Variants in SLC2A5 observed in about 807,000 individuals in gnomAD.
The protein encoded by SLC2A5 is solute carrier family 2 member 5, also known as solute carrier family 2, facilitated glucose transporter member 5.
Under a neutral mutation model 50.3 loss-of-function variants are expected in SLC2A5, and 56 were observed. The ratio of observed to expected loss-of-function variants is 1.11; its 90% CI spans 0.90 to 1.39. SLC2A5 has a LOEUF of 1.39. Among genes scored for constraint, SLC2A5 ranks in the 40% most tolerant of loss-of-function variants. The pLI, the probability that SLC2A5 is intolerant of heterozygous loss-of-function variation, is 0.00. For missense variants in SLC2A5, 566 were observed against 650.1 expected (o/e 0.87, Z 1.41); for synonymous variants, 269 against 281.9 (o/e 0.95, Z 0.46).
intron 3 of SLC2A5, among the ~76,000 whole-genome samples, chr1:9,053,311 TATTG>T (rs2124382604): frequency 3.5e-5 from 2 of 56,902 alleles, no homozygotes; most frequent in East Asian, 6.0e-4. Flanking sequence ...TATATTTATA[TATTG>T]TATTTATATA....
chr1:9,079,182 G>A (rs1642326234), intron 2 of SLC2A5, among the ~76,000 whole-genome samples: 1 of 152,146 alleles, frequency 6.6e-6, no homozygotes, highest in African/African-American at 2.4e-5. Context: ...TCTGTATTCT[G>A]TCCTCACTTG....
chr1:9,069,401 C>T, intron 1 of SLC2A5, 103 bp downstream of exon 1: 1 of 1,189,832 alleles, frequency 8.4e-7, no homozygotes, highest in South Asian at 1.3e-5. Context: ...ACACAGAGTT[C>T]CCTCTGCAAC....
intron 1 of SLC2A5, among the ~76,000 whole-genome samples, chr1:9,060,100 A>G (rs1432572772): frequency 7.2e-6 from 1 of 139,486 alleles, no homozygotes; most frequent in Non-Finnish European, 1.6e-5. Context: ...CACACAACAC[A>G]CACAATACAC....
At position 9,038,037 on chromosome 1, in the gene SLC2A5, G is replaced by C. The variant is rs758141938; in HGVS notation, c.1175-13C>G. 6.2e-7 allele frequency: 1 copy of C among 1,613,258 alleles called. No homozygotes were observed. The highest frequency in any genetic ancestry group is 8.5e-7 in the Non-Finnish European group (1 of 1,179,838). On this transcript the variant is annotated splice_polypyrimidine_tract_variant and intron_variant, in intron 10 of 11. Transcript: ENST00000377424. ...GCGGGTATGGGACCTGTAGGGGGAG[G>C]AGAGCAGCCTCCCTGAAGGCAGAGC...
intron 1 of SLC2A5, among the ~76,000 whole-genome samples, chr1:9,064,785 C>G (rs1642037384): frequency 6.6e-6 from 1 of 152,190 alleles, no homozygotes; most frequent in African/African-American, 2.4e-5. Context: ...GGCGCGGTGG[C>G]TCACACCTGT....
intron 1 of SLC2A5, 104 bp from the exon 2 acceptor site, chr1:9,058,354 A>G (rs1267569030): frequency 3.7e-6 from 3 of 803,012 alleles, no homozygotes; most frequent in African/African-American, 1.7e-5. Context: ...GAAGATCCAT[A>G]GTCTTGAGAC....
chr1:9,085,535 G>C (rs923282812), intron 1 of SLC2A5, among the ~76,000 whole-genome samples: 5 of 152,216 alleles, frequency 3.3e-5, no homozygotes, highest in Non-Finnish European at 7.3e-5. Flanking sequence ...AGGCTTCAGA[G>C]AGAATAAGTT....
chr1:9,038,155 G>T, intron 10 of SLC2A5, 131 bp from the exon 11 acceptor site: 2 of 1,094,696 alleles, frequency 1.8e-6, no homozygotes, highest in Non-Finnish European at 1.3e-6. Context: ...ATGTGGGGCA[G>T]CACGTAGGGG....
At chr1:9,060,838 A>G (rs1259417216) in intron 1 of SLC2A5, among the ~76,000 whole-genome samples, 1 of 152,062 alleles carries the variant, frequency 6.6e-6, no homozygotes, top group Non-Finnish European at 1.5e-5. Flanking sequence ...TTGGGCGCCC[A>G]ATGTGAACAA....
upstream of SLC2A5, among the ~76,000 whole-genome samples, chr1:9,091,277 C>T (rs560196577): frequency 5.8e-4 from 89 of 152,310 alleles, no homozygotes; most frequent in Non-Finnish European, 1.1e-3. Context: ...CTTCCAAATC[C>T]GCTAAGACCT....
upstream of SLC2A5, among the ~76,000 whole-genome samples, chr1:9,070,346 G>A (rs1037868607): frequency 2.0e-5 from 3 of 152,114 alleles, no homozygotes; most frequent in Non-Finnish European, 4.4e-5. Flanking sequence ...CTCCCAAAGT[G>A]CTGGGATTAC....
At chr1:9,060,592 C>G (rs1641910682) in intron 1 of SLC2A5, among the ~76,000 whole-genome samples, 1 of 115,060 alleles carries the variant, frequency 8.7e-6, no homozygotes, top group Admixed American at 1.2e-4. Context: ...CCCCCACACA[C>G]ATAGGCAGAA....
At chr1:9,093,968 G>A in the SLC2A5 span, among the ~76,000 whole-genome samples, 2 of 152,076 alleles carry the variant, frequency 1.3e-5, no homozygotes, top group Non-Finnish European at 1.5e-5. Flanking sequence ...ATTTCAAACC[G>A]ATTACAACTC....
At chr1:9,077,778 A>AGGGAGGGAGAGAGGGAGGGGGGGGGGGG (rs1642308655) in intron 2 of SLC2A5, among the ~76,000 whole-genome samples, 2 of 139,516 alleles carry the variant, frequency 1.4e-5, no homozygotes, top group African/African-American at 5.4e-5. Context: ...GGAGGGAGGG[A>AGGGAGGGAGAGAGGGAGGGGGGGGGGGG]AAGAAGGGGA....
At chr1:9,076,145 G>A (rs527271086) in intron 2 of SLC2A5, among the ~76,000 whole-genome samples, 173 of 151,834 alleles carry the variant, frequency 1.1e-3, no homozygotes, top group African/African-American at 4.1e-3. Context: ...TAGTAGAGGC[G>A]GGGTTTCGCC....
In SLC2A5 at chr1:9,047,627, A is replaced by G. The variant is rs778328193; in HGVS notation, c.401T>C (p.Leu134Ser). The G allele has an allele frequency of 8.1e-5, 130 of 1,613,794 alleles. No homozygotes were observed. The Admixed American group carries it at 1.1e-3, about 13-fold the overall frequency. ...TTGTTTACCTGCACATATTCCCACC[A>G]AAAGTCTGGAAATAATGATAAGCTC... ...SFELIIISRL[L>S]VGICAGVSSN... Residue 134 changes from leucine (L) to serine (S), a missense_variant, in exon 4 of 12, where the codon TTG (leucine) becomes TCG (serine). Physicochemically the swap from Leu to Ser is moderately radical, Grantham distance 145. Transcript: ENST00000377424.
chr1:9,059,579 G>T (rs1436573617), intron 1 of SLC2A5, among the ~76,000 whole-genome samples: 1 of 112,680 alleles, frequency 8.9e-6, no homozygotes, highest in African/African-American at 3.6e-5. Context: ...GCCCTGGCTG[G>T]AGTGCTGTGG....
In SLC2A5 at chr1:9,057,434, T is replaced by C. The variant is rs1387974326; in HGVS notation, c.293+14A>G. ...CTATGAGTTTCAGGGAATTAAAAATTCACCTTCCCTTACCTGCCAAATTTA... is the reference window on the plus strand; with the variant it reads ...CTATGAGTTTCAGGGAATTAAAAATCCACCTTCCCTTACCTGCCAAATTTA... On this transcript the variant is annotated intron_variant, in intron 3 of 11. Transcript: ENST00000377424. The C allele has an allele frequency of 6.3e-7, 1 of 1,596,224 alleles. No homozygotes were observed. The highest frequency in any genetic ancestry group is 2.2e-5 in the East Asian group (1 of 44,580).
intron 1 of SLC2A5, among the ~76,000 whole-genome samples, chr1:9,062,495 G>A (rs1641970907): frequency 6.6e-6 from 1 of 152,108 alleles, no homozygotes; most frequent in African/African-American, 2.4e-5. Context: ...GAAAAGACTG[G>A]GTATTCACTC....
Sources: allele counts gnomAD v4.1 joint callset (sites outside exome capture counted in the v4.1 genomes callset), GRCh38; gene constraint gnomAD v4.1.1; transcripts MANE v1.5; gene names NCBI Gene and HGNC (gene_info 2026-07-23, HGNC 2026-07-21).